The following LARS1 variants were observed in gnomAD, a reference collection of about 807,000 sequenced individuals.
LARS1 encodes leucyl-tRNA synthetase 1, also known as leucine--tRNA ligase, cytoplasmic.
In LARS1, 100 loss-of-function variants were observed where a neutral mutation model predicts 162.8. The observed-to-expected ratio is 0.61, with a 90% confidence interval of 0.52 to 0.73. The LOEUF (loss-of-function observed/expected upper bound fraction) is 0.73, where lower values mean the gene tolerates loss of function less well. Ranked by LOEUF, LARS1 falls within the 30% of genes least tolerant of loss-of-function variation. The probability of loss-of-function intolerance (pLI) is 0.00; values close to 1 mark genes in which losing one functional copy is unlikely to be tolerated. For missense variants in LARS1, 1,258 were observed against 1,408.9 expected (o/e 0.89, Z 1.71); for synonymous variants, 457 against 462.8 (o/e 0.99, Z 0.16).
rs368822487 is a variant in LARS1, at chr5:146,157,558, T to C, written c.910A>G (p.Asn304Asp). Residue 304 changes from asparagine (N) to aspartate (D), a missense_variant, in exon 10 of 32, where the codon AAT becomes GAT. Transcript: ENST00000394434. ...LRPETMFGQT[N>D]CWVRPDMKYI... ...TTCATATCAGGACGAACCCAACAAT[T>C]TGTCTGCCCAAACATGGTCTCAGGT... 1.9e-6 allele frequency: 3 copies of C among 1,614,112 alleles called. No homozygotes were observed. Among genetic ancestry groups the C allele is most frequent in the Non-Finnish European group, 2.5e-6 (3 of 1,180,026 alleles).
At chr5:146,169,179 T>A (rs1754150151) in intron 4 of LARS1, among the ~76,000 whole-genome samples, 1 of 152,140 alleles carries the variant, frequency 6.6e-6, no homozygotes, top group Admixed American at 6.6e-5. Context: ...GCCTACCAAG[T>A]AGATAGGATA....
rs527588402 is a variant in LARS1 at position 146,128,866 on chromosome 5, C to G, written c.2770-84G>C. ...AGAACCCTCCCCCAACATACACCAC[C>G]ACGGTCTTCACCATTAATGAAAATC... On this transcript the variant is annotated intron_variant, in intron 26 of 31. Coordinates refer to ENST00000394434, the MANE Select transcript of LARS1 (RefSeq NM_020117.11). 2.6e-5 allele frequency: 37 copies of G among 1,405,820 alleles called. No individual in the cohort carries two copies. In the East Asian group the frequency reaches 7.4e-4, roughly 28 times the overall value. The allele number at this position is 1,405,820 out of a possible 1,614,324, so 87.1% of individuals were successfully genotyped here.
chr5:146,143,294 C>A lies in LARS1; in HGVS notation c.1877+118G>T, dbSNP rs959259389. Reference sequence around the variant, plus strand: ...TTTTCCCAGTTCAATAGTAAAAAAGCAAAAATATCATGACAAAATTCTGTG... The same window carrying A: ...TTTTCCCAGTTCAATAGTAAAAAAGAAAAAATATCATGACAAAATTCTGTG... On this transcript the variant is annotated intron_variant, in intron 19 of 31. Coordinates refer to ENST00000394434, the MANE Select transcript of LARS1 (RefSeq NM_020117.11). The A allele has an allele frequency of 2.8e-5, 39 of 1,383,418 alleles. No homozygotes were observed. The highest frequency in any genetic ancestry group is 3.5e-5 in the Non-Finnish European group (36 of 1,026,104). The allele number at this position is 1,383,418 out of a possible 1,614,324, so 85.7% of individuals were successfully genotyped here.
rs34896615 is a variant in LARS1 at position 146,176,448 on chromosome 5, CAAAAAAAAAAA to C, written c.125+1088_125+1098del. On this transcript the variant is annotated intron_variant, in intron 2 of 31. Coordinates refer to ENST00000394434, the MANE Select transcript of LARS1 (RefSeq NM_020117.11). The stretch of plus-strand genomic sequence containing the variant: ...GCCTGATGACAGAGCAAGACTGTCT[CAAAAAAAAAAA>C]AAAAAAAAGAAAGAAAGAAAAAGAA... 3.9e-4 allele frequency among the ~76,000 whole-genome samples: 30 copies of C among 77,004 alleles called. 1 individual carries two copies. In the East Asian group the frequency reaches 8.8e-3, roughly 23 times the overall value. The allele number at this position is 77,004 out of a possible 152,430, so 50.5% of individuals were successfully genotyped here.
At chr5:146,170,438 C>T (rs1754209219) in intron 4 of LARS1, among the ~76,000 whole-genome samples, 1 of 151,188 alleles carries the variant, frequency 6.6e-6, no homozygotes. Context: ...CCACTGCACT[C>T]CAGACTGAGT....
chr5:146,114,835 G>A (rs763314214), intron 31 of LARS1, among the ~76,000 whole-genome samples: 11 of 151,486 alleles, frequency 7.3e-5, no homozygotes, highest in African/African-American at 1.7e-4. Context: ...CGCGAGGTCC[G>A]GAGATCGAGA....
At chr5:146,145,907 A>G (rs2126492107) in intron 15 of LARS1, among the ~76,000 whole-genome samples, 1 of 152,374 alleles carries the variant, frequency 6.6e-6, no homozygotes, top group Non-Finnish European at 1.5e-5. Flanking sequence ...TTTTGAAAAC[A>G]AAAAAGCAAT....
chr5:146,177,482 AAAT>A (rs1440434617), intron 2 of LARS1, 62 bp downstream of exon 2: 5 of 151,564 alleles, frequency 3.3e-5, no homozygotes, highest in African/African-American at 8.1e-5. Flanking sequence ...AAAAAAAAAA[AAAT>A]ATATATATAT....
intron 10 of LARS1, among the ~76,000 whole-genome samples, chr5:146,155,812 G>A (rs899858021): frequency 2.0e-5 from 3 of 152,222 alleles, no homozygotes; most frequent in Admixed American, 6.5e-5. Context: ...AAACATGTAT[G>A]TCCCTAATAC....
At chr5:146,129,158 T>C (rs759159178) in intron 25 of LARS1, 40 bp from the exon 26 acceptor site, 1 of 1,504,698 alleles carries the variant, frequency 6.6e-7, no homozygotes, top group South Asian at 1.2e-5. Flanking sequence ...TCAGTGAGAT[T>C]AGACAATATA....
Position 146,126,560 on chromosome 5 carries a change from G to C in LARS1, c.2881-15C>G, listed in dbSNP as rs774032700. The C allele has an allele frequency of 6.4e-7, 1 of 1,563,948 alleles. No individual in the cohort carries two copies. Among genetic ancestry groups the C allele is most frequent in the East Asian group, 2.2e-5 (1 of 44,596 alleles). ...CCGTTATTGGCCTAAGAAAAGGAAG[G>C]AGGGAGAGTAATGTAGAAAAAAAAG... On this transcript the variant is annotated splice_polypyrimidine_tract_variant and intron_variant, in intron 27 of 31. Transcript: ENST00000394434.
At position 146,171,899 on chromosome 5, in the gene LARS1, A is replaced by G. The variant is rs779021788; in HGVS notation, c.294+11T>C. 2.7e-5 allele frequency: 43 copies of G among 1,600,204 alleles called. No individual in the cohort carries two copies. The highest frequency in any genetic ancestry group is 3.5e-5 in the Non-Finnish European group (41 of 1,171,694). ...AAAAAGAGTAGAAACCAATCCTATT[A>G]GCGATCTTACCTTAATAGGCATTCC... On this transcript the variant is annotated intron_variant, in intron 4 of 31. Transcript: ENST00000394434.
At chr5:146,145,589 C>G (rs571125568) in intron 15 of LARS1, among the ~76,000 whole-genome samples, 3 of 152,072 alleles carry the variant, frequency 2.0e-5, no homozygotes, top group African/African-American at 4.8e-5. Flanking sequence ...TGAAAATTGA[C>G]GATGTTTTTG....
At chr5:146,180,826 T>A (rs1754801871) in intron 1 of LARS1, among the ~76,000 whole-genome samples, 1 of 152,086 alleles carries the variant, frequency 6.6e-6, no homozygotes, top group Non-Finnish European at 1.5e-5. Context: ...TAAATCAGAG[T>A]TCCTAAACTT....
chr5:146,157,800 G>T lies in LARS1; in HGVS notation c.772-5C>A, dbSNP rs376282128. 39 of 1,613,082 alleles carry T rather than the reference G, an allele frequency of 2.4e-5. No homozygotes were observed. In the South Asian group the frequency reaches 3.1e-4, roughly 13 times the overall value. On this transcript the variant is annotated splice_region_variant and splice_polypyrimidine_tract_variant and intron_variant, in intron 8 of 31. Coordinates refer to ENST00000394434, the MANE Select transcript of LARS1 (RefSeq NM_020117.11). Reference sequence around the variant, plus strand: ...ATATTCCTGAGGTCCAACACCCTAAGCAAATAAACGATACAAAAATTTGAA... The same window carrying T: ...ATATTCCTGAGGTCCAACACCCTAATCAAATAAACGATACAAAAATTTGAA...
intron 14 of LARS1, among the ~76,000 whole-genome samples, chr5:146,151,171 G>A (rs1753272111): frequency 6.6e-6 from 1 of 152,056 alleles, no homozygotes; most frequent in African/African-American, 2.4e-5. Flanking sequence ...ATATATAAGT[G>A]CTACATAAGT....
At chr5:146,126,000 T>C (rs1257547043) in intron 28 of LARS1, among the ~76,000 whole-genome samples, 1 of 151,958 alleles carries the variant, frequency 6.6e-6, no homozygotes, top group Non-Finnish European at 1.5e-5. Context: ...CCACAAGAAC[T>C]ATCTAGCCCA....
chr5:146,139,256 T>C (rs1248843479), intron 21 of LARS1, among the ~76,000 whole-genome samples: 3 of 150,044 alleles, frequency 2.0e-5, no homozygotes, highest in African/African-American at 7.4e-5. Flanking sequence ...GGCAAGAGAA[T>C]CGCTTGAATC....
At chr5:146,143,119 A>G in intron 19 of LARS1, 35 bp from the exon 20 acceptor site, 1 of 1,099,338 alleles carries the variant, frequency 9.1e-7, no homozygotes, top group East Asian at 2.8e-5. Context: ...TTTTATATAT[A>G]TATATATGTA....
Sources: gnomAD v4.1 joint callset for allele counts (sites outside exome capture counted in the v4.1 genomes callset) on GRCh38, gnomAD v4.1.1 for gene constraint, MANE v1.5 for transcripts, NCBI Gene and HGNC (gene_info 2026-07-23, HGNC 2026-07-21) for gene names.